Variants in DCC observed in about 807,000 individuals in gnomAD.
DCC encodes DCC netrin 1 receptor, also known as netrin receptor DCC.
DCC carries 58 observed loss-of-function variants against 172.5 expected under a neutral mutation model. That is an observed-to-expected ratio of 0.34 (90% CI 0.27 to 0.42). The LOEUF (loss-of-function observed/expected upper bound fraction) is 0.42. DCC is among the 10% of genes least tolerant of loss of function. The pLI, the probability that DCC is intolerant of heterozygous loss-of-function variation, is 1.00. For missense variants in DCC, 1,740 were observed against 1,791.0 expected (o/e 0.97, Z 0.51); for synonymous variants, 709 against 644.5 (o/e 1.10, Z -1.52).
intron 5 of DCC, among the ~76,000 whole-genome samples, chr18:52,932,423 A>T (rs1222264828): frequency 6.6e-6 from 1 of 152,150 alleles, no homozygotes; most frequent in Non-Finnish European, 1.5e-5. Context: ...AAGTGATTTG[A>T]TCTTTTACAA....
intron 14 of DCC, among the ~76,000 whole-genome samples, chr18:53,338,278 T>C (rs1375764173): frequency 6.6e-6 from 1 of 152,180 alleles, no homozygotes; most frequent in Admixed American, 6.6e-5. Flanking sequence ...GCACCTAGGC[T>C]CACACCTCAA....
intron 1 of DCC, among the ~76,000 whole-genome samples, chr18:52,715,142 AGTTGGGTTATAC>A (rs1169325388): frequency 6.6e-6 from 1 of 152,068 alleles, no homozygotes; most frequent in African/African-American, 2.4e-5. Context: ...TAAAGAATCT[AGTTGGGTTATAC>A]CAATGATTCT....
chr18:53,112,513 G>A (rs987263914), intron 7 of DCC, among the ~76,000 whole-genome samples: 2 of 151,490 alleles, frequency 1.3e-5, no homozygotes, highest in African/African-American at 4.8e-5. Context: ...GTGCAGTGCT[G>A]CTGCATTGAG....
chr18:53,001,024 T>A (rs1204613581), intron 5 of DCC, among the ~76,000 whole-genome samples: 1 of 152,020 alleles, frequency 6.6e-6, no homozygotes, highest in Non-Finnish European at 1.5e-5. Context: ...TTCAGTGACA[T>A]CAAGTTGGTC....
chr18:52,604,496 G>C (rs2034090756), intron 1 of DCC, among the ~76,000 whole-genome samples: 1 of 152,160 alleles, frequency 6.6e-6, no homozygotes, highest in South Asian at 2.1e-4. Context: ...TGTTTGAAAA[G>C]TGGCACTTCC....
intron 2 of DCC, among the ~76,000 whole-genome samples, chr18:52,812,290 T>C (rs1309133193): frequency 6.6e-6 from 1 of 152,246 alleles, no homozygotes; most frequent in South Asian, 2.1e-4. Flanking sequence ...TTTCTTAGAA[T>C]GTTATTTTCC....
At chr18:53,102,338 G>A (rs1356364953) in intron 7 of DCC, among the ~76,000 whole-genome samples, 1 of 151,976 alleles carries the variant, frequency 6.6e-6, no homozygotes, top group Non-Finnish European at 1.5e-5. Flanking sequence ...CCATTTTTAG[G>A]GATACATTCA....
intron 2 of DCC, among the ~76,000 whole-genome samples, chr18:52,854,301 A>AT (rs2039019377): frequency 6.6e-6 from 1 of 152,126 alleles, no homozygotes; most frequent in Non-Finnish European, 1.5e-5. Flanking sequence ...GTAAATGCAG[A>AT]TAGTTTCTAA....
intron 7 of DCC, among the ~76,000 whole-genome samples, chr18:53,073,934 G>T (rs925773867): frequency 1.3e-5 from 2 of 151,338 alleles, no homozygotes; most frequent in Non-Finnish European, 2.9e-5. Context: ...TATAATTATA[G>T]TGTTTCCTAC....
In DCC at chr18:52,923,795, T is replaced by C. The variant is rs1284595031; in HGVS notation, c.786T>C (p.Cys262=). 6.2e-7 allele frequency: 1 copy of C among 1,613,258 alleles called. No individual in the cohort carries two copies. Among genetic ancestry groups the C allele is most frequent in the Non-Finnish European group, 8.5e-7 (1 of 1,179,386 alleles). Residue 262 remains cysteine, a synonymous_variant, in exon 4 of 29, where the codon TGT becomes TGC. Coordinates refer to ENST00000442544, the MANE Select transcript of DCC (RefSeq NM_005215.4). ...IEGKDAVLEC[C]VSGYPPPSFT... The stretch of plus-strand genomic sequence containing the variant: ...GAAAAGATGCTGTCCTGGAATGTTG[T>C]GTTTCTGGCTATCCTCCACCAAGTT...
At chr18:53,369,522 G>C (rs558904689) in intron 15 of DCC, among the ~76,000 whole-genome samples, 1 of 151,774 alleles carries the variant, frequency 6.6e-6, no homozygotes, top group African/African-American at 2.4e-5. Context: ...AGTACTATTA[G>C]AGTAGAAGTG....
intron 9 of DCC, among the ~76,000 whole-genome samples, chr18:53,185,675 C>G (rs1420124141): frequency 6.6e-6 from 1 of 152,106 alleles, no homozygotes; most frequent in Non-Finnish European, 1.5e-5. Context: ...TTCTCTCAGA[C>G]AGTGGCAGTC....
chr18:52,833,846 T>C (rs1179522813), intron 2 of DCC, among the ~76,000 whole-genome samples: 1 of 152,114 alleles, frequency 6.6e-6, no homozygotes, highest in Non-Finnish European at 1.5e-5. Context: ...AATTTTTTTG[T>C]AGAGATAGTG....
intron 22 of DCC, among the ~76,000 whole-genome samples, chr18:53,447,442 C>T (rs891527421): frequency 6.6e-6 from 1 of 152,132 alleles, no homozygotes; most frequent in African/African-American, 2.4e-5. Flanking sequence ...CCCCGACTCT[C>T]CCAGGCAAAT....
At chr18:53,529,561 C>CCTAA (rs1253597965) in intron 28 of DCC, among the ~76,000 whole-genome samples, 2 of 152,168 alleles carry the variant, frequency 1.3e-5, no homozygotes, top group East Asian at 3.8e-4. Context: ...GTTGAATCCT[C>CCTAA]CTAACTCCTC....
intron 1 of DCC, among the ~76,000 whole-genome samples, chr18:52,543,814 C>T (rs887337689): frequency 6.6e-6 from 1 of 152,194 alleles, no homozygotes. Flanking sequence ...GCCCATTGAG[C>T]TGAGCATCCT....
At chr18:53,002,721 A>G (rs1015512544) in intron 5 of DCC, among the ~76,000 whole-genome samples, 7 of 152,156 alleles carry the variant, frequency 4.6e-5, no homozygotes, top group Middle Eastern at 3.2e-3. Context: ...GGTTTGTTAC[A>G]TATGTATACA....
chr18:52,540,755 C>T (rs561044180), intron 1 of DCC, among the ~76,000 whole-genome samples: 244 of 151,800 alleles, frequency 1.6e-3, no homozygotes, highest in East Asian at 5.7e-3. Flanking sequence ...TACAGGCGCC[C>T]GCCACCACGC....
intron 1 of DCC, among the ~76,000 whole-genome samples, chr18:52,530,083 T>C (rs1475528042): frequency 3.9e-5 from 6 of 152,244 alleles, no homozygotes. Context: ...ATGTATAGTA[T>C]ATATGACATA....
Sources: gnomAD v4.1 joint callset for allele counts (sites outside exome capture counted in the v4.1 genomes callset) on GRCh38, gnomAD v4.1.1 for gene constraint, MANE v1.5 for transcripts, NCBI Gene and HGNC (gene_info 2026-07-23, HGNC 2026-07-21) for gene names.